NTN1: variants seen among roughly 807,000 people sequenced by gnomAD.
The protein encoded by NTN1 is netrin 1, also known as netrin-1.
NTN1 carries 11 observed loss-of-function variants against 54.2 expected under a neutral mutation model. The ratio of observed to expected loss-of-function variants is 0.20; its 90% CI spans 0.13 to 0.34. The LOEUF is 0.34. NTN1 is among the 10% of genes least tolerant of loss of function. The pLI, the probability that NTN1 is intolerant of heterozygous loss-of-function variation, is 1.00. For synonymous variants in NTN1, 371 were observed against 382.0 expected, an observed-to-expected ratio of 0.97 and a Z score of 0.33; for missense variants, 740 against 893.1, an observed-to-expected ratio of 0.83 and a Z score of 2.18.
chr17:9,216,304 C>A (rs1905215825), intron 5 of NTN1, among the ~76,000 whole-genome samples: 1 of 152,208 alleles, frequency 6.6e-6, no homozygotes, highest in Admixed American at 6.5e-5. Flanking sequence ...CTTTTTCCAA[C>A]TCTTTCTTTT....
intron 5 of NTN1, among the ~76,000 whole-genome samples, chr17:9,184,254 A>T (rs546145109): frequency 4.1e-4 from 62 of 152,294 alleles, no homozygotes; most frequent in African/African-American, 1.2e-3. Context: ...AAAGCCAAAG[A>T]CAGTTGAGTC....
chr17:9,215,260 C>CACACACAA (rs1555577262), intron 5 of NTN1, among the ~76,000 whole-genome samples: 2 of 135,720 alleles, frequency 1.5e-5, no homozygotes, highest in African/African-American at 2.8e-5. Flanking sequence ...TACACACACA[C>CACACACAA]ACACACACAC....
intron 6 of NTN1, among the ~76,000 whole-genome samples, chr17:9,234,150 G>A (rs1159037079): frequency 1.3e-5 from 2 of 152,216 alleles, no homozygotes; most frequent in Admixed American, 6.5e-5. Context: ...GAAGGTGTGT[G>A]CCCCTGTAGG....
At chr17:9,027,203 C>T (rs539161573) in intron 2 of NTN1, among the ~76,000 whole-genome samples, 4 of 152,246 alleles carry the variant, frequency 2.6e-5, no homozygotes, top group Admixed American at 2.6e-4. Flanking sequence ...GAGCCTGGCA[C>T]ATAGCTATAG....
chr17:9,107,878 A>T (rs1465110572), intron 2 of NTN1, among the ~76,000 whole-genome samples: 2 of 152,184 alleles, frequency 1.3e-5, no homozygotes, highest in African/African-American at 4.8e-5. Context: ...CCCTGGCCTG[A>T]TACCTTTTTG....
chr17:9,161,317 C>T (rs765563585), intron 2 of NTN1, among the ~76,000 whole-genome samples: 1 of 152,096 alleles, frequency 6.6e-6, no homozygotes, highest in Non-Finnish European at 1.5e-5. Context: ...GAGGGGCAGG[C>T]GAGGGGTCCT....
intron 2 of NTN1, among the ~76,000 whole-genome samples, chr17:9,085,592 G>A (rs557462793): frequency 5.3e-5 from 8 of 152,280 alleles, no homozygotes; most frequent in African/African-American, 1.9e-4. Context: ...ACAGATCAAC[G>A]TCCACAGGAT....
rs529980336 is a variant in NTN1 at position 9,152,132 on chromosome 17, T to C, written c.1019-10681T>C. Among the ~76,000 whole-genome samples the C allele has an allele frequency of 2.0e-5, 3 of 152,254 alleles. No individual in the cohort carries two copies. The East Asian group carries it at 5.8e-4, about 29-fold the overall frequency. On this transcript the variant is annotated intron_variant, in intron 2 of 6. Coordinates refer to ENST00000173229, the MANE Select transcript of NTN1 (RefSeq NM_004822.3). ...TTGTTCTTTTGCGCTTCACAATAAA[T>C]CTTGCTGCCGCTCACTCTTTGGGTC...
chr17:9,117,780 A>AAC (rs2092219065), intron 2 of NTN1, among the ~76,000 whole-genome samples: 1 of 150,802 alleles, frequency 6.6e-6, no homozygotes, highest in African/African-American at 2.4e-5. Flanking sequence ...CCAAAAAAAA[A>AAC]AAAAAAACAA....
chr17:9,067,060 G>A (rs554224838), intron 2 of NTN1, among the ~76,000 whole-genome samples: 4 of 151,452 alleles, frequency 2.6e-5, no homozygotes, highest in South Asian at 2.1e-4. Flanking sequence ...CGAGGTGGGC[G>A]GATCACATGA....
At position 9,086,276 on chromosome 17, in the gene NTN1, G is replaced by T. The variant is rs531083964; in HGVS notation, c.1018+62885G>T. ...CCAGCTGCTGGGGAGCCTGAGGCAG[G>T]AGGATTACTTGAGCCCAGGAGTTCG... On this transcript the variant is annotated intron_variant, in intron 2 of 6. Transcript: ENST00000173229. 2.8e-3 allele frequency among the ~76,000 whole-genome samples: 429 copies of T among 152,316 alleles called. 2 individuals are homozygous for T. The highest frequency in any genetic ancestry group is 3.9e-3 in the Non-Finnish European group (263 of 68,030).
chr17:9,220,059 T>C (rs967999960), intron 5 of NTN1, among the ~76,000 whole-genome samples: 46 of 152,206 alleles, frequency 3.0e-4, no homozygotes, highest in African/African-American at 1.1e-3. Flanking sequence ...TACAGGGCAT[T>C]CCTCATCCCT....
chr17:9,044,833 T>C (rs539903800), intron 2 of NTN1, among the ~76,000 whole-genome samples: 1 of 152,324 alleles, frequency 6.6e-6, no homozygotes, highest in East Asian at 1.9e-4. Flanking sequence ...TATTAACATG[T>C]GCAAAAGTAC....
intron 2 of NTN1, among the ~76,000 whole-genome samples, chr17:9,079,320 T>G (rs899368430): frequency 6.6e-6 from 1 of 151,958 alleles, no homozygotes; most frequent in Non-Finnish European, 1.5e-5. Flanking sequence ...TTCTGGAAGG[T>G]TTTTCAATGT....
intron 2 of NTN1, among the ~76,000 whole-genome samples, chr17:9,041,986 G>A (rs2091923222): frequency 6.6e-6 from 1 of 151,396 alleles, no homozygotes; most frequent in Non-Finnish European, 1.5e-5. Context: ...TCCAGCCTGG[G>A]CGACAGAGTG....
intron 5 of NTN1, among the ~76,000 whole-genome samples, chr17:9,190,288 GA>G (rs1431213107): frequency 6.6e-6 from 1 of 152,180 alleles, no homozygotes; most frequent in Non-Finnish European, 1.5e-5. Flanking sequence ...CACGTTCTGA[GA>G]AGACAAGACC....
chr17:9,114,271 C>T (rs1309642913), intron 2 of NTN1, among the ~76,000 whole-genome samples: 3 of 146,246 alleles, frequency 2.1e-5, no homozygotes, highest in Admixed American at 1.4e-4. Flanking sequence ...GTAAGTATGA[C>T]GGGTCTGATA....
chr17:9,216,053 T>C (rs1033301695), intron 5 of NTN1, among the ~76,000 whole-genome samples: 14 of 152,222 alleles, frequency 9.2e-5, no homozygotes, highest in Non-Finnish European at 2.1e-4. Context: ...CTCAAACTCC[T>C]GGGCTCAAGC....
chr17:9,228,748 G>A (rs1905683587), intron 6 of NTN1, among the ~76,000 whole-genome samples: 1 of 152,028 alleles, frequency 6.6e-6, no homozygotes, highest in African/African-American at 2.4e-5. Flanking sequence ...ATCCCACAAG[G>A]ATGATTTCTG....
Sources: gnomAD v4.1 joint callset for allele counts (sites outside exome capture counted in the v4.1 genomes callset) on GRCh38, gnomAD v4.1.1 for gene constraint, MANE v1.5 for transcripts, NCBI Gene and HGNC (gene_info 2026-07-23, HGNC 2026-07-21) for gene names.